The following BRINP3 variants were observed in gnomAD, a reference collection of about 807,000 sequenced individuals.
BRINP3 encodes BMP/retinoic acid inducible neural specific 3, also known as BMP/retinoic acid-inducible neural-specific protein 3.
A neutral mutation model predicts 71.0 loss-of-function variants in BRINP3; 19 were observed. The ratio of observed to expected loss-of-function variants is 0.27; its 90% CI spans 0.19 to 0.39. The LOEUF (loss-of-function observed/expected upper bound fraction) is 0.39. BRINP3 is among the 10% of genes least tolerant of loss of function. The pLI is 1.00. For synonymous variants in BRINP3, 380 were observed against 337.7 expected, an observed-to-expected ratio of 1.13 and a Z score of -1.37; for missense variants, 959 against 940.8, an observed-to-expected ratio of 1.02 and a Z score of -0.25.
chr1:190,106,456 G>A (rs1253915279), intron 7 of BRINP3, among the ~76,000 whole-genome samples: 3 of 151,274 alleles, frequency 2.0e-5, no homozygotes, highest in Admixed American at 6.6e-5. Flanking sequence ...AAATTTTAAG[G>A]ATTTTAAAAG....
At chr1:190,378,362 T>C (rs1670312157) in intron 2 of BRINP3, among the ~76,000 whole-genome samples, 1 of 152,216 alleles carries the variant, frequency 6.6e-6, no homozygotes, top group South Asian at 2.1e-4. Flanking sequence ...AGACTTCATT[T>C]TGGAGCTACA....
Position 190,277,612 on chromosome 1 carries a change from C to T in BRINP3, c.427+3948G>A, listed in dbSNP as rs1312623699. Among the ~76,000 whole-genome samples, 4 of 151,496 alleles carry T rather than the reference C, an allele frequency of 2.6e-5. No homozygotes were observed. The East Asian group carries it at 5.8e-4, about 22-fold the overall frequency. On this transcript the variant is annotated intron_variant, in intron 3 of 7. Transcript: ENST00000367462. Reference sequence around the variant, plus strand: ...CTCTCTTTCTCCCCCTAATTAAAGCCCACCAATTTTAAAGTCATTATTTTT... The same window carrying T: ...CTCTCTTTCTCCCCCTAATTAAAGCTCACCAATTTTAAAGTCATTATTTTT...
intron 2 of BRINP3, among the ~76,000 whole-genome samples, chr1:190,357,833 C>G (rs924900851): frequency 2.6e-5 from 4 of 151,914 alleles, no homozygotes; most frequent in African/African-American, 9.7e-5. Context: ...TGGAATAGAA[C>G]AGAGCCCTCA....
At chr1:190,145,199 T>G (rs1655783379) in intron 7 of BRINP3, among the ~76,000 whole-genome samples, 1 of 152,210 alleles carries the variant, frequency 6.6e-6, no homozygotes, top group Admixed American at 6.5e-5. Flanking sequence ...GGCTGATGTA[T>G]GTCCTGTGTC....
At chr1:190,328,588 A>G (rs1054181612) in intron 2 of BRINP3, among the ~76,000 whole-genome samples, 3 of 152,068 alleles carry the variant, frequency 2.0e-5, no homozygotes, top group Non-Finnish European at 4.4e-5. Context: ...GCTGAATCAT[A>G]CCAGATATAC....
intron 6 of BRINP3, among the ~76,000 whole-genome samples, chr1:190,206,497 T>A (rs1442068755): frequency 6.6e-6 from 1 of 151,914 alleles, no homozygotes; most frequent in Admixed American, 6.6e-5. Flanking sequence ...AACGTGTATG[T>A]GTATGATAAA....
chr1:190,414,424 T>A (rs1484778414), intron 2 of BRINP3, among the ~76,000 whole-genome samples: 3 of 152,138 alleles, frequency 2.0e-5, no homozygotes, highest in Non-Finnish European at 4.4e-5. Flanking sequence ...ATGTTATAGG[T>A]TTATTTTTGT....
At position 190,276,801 on chromosome 1, in the gene BRINP3, T is replaced by C. The variant is rs556324869; in HGVS notation, c.427+4759A>G. Among the ~76,000 whole-genome samples, 5 of 151,142 alleles carry C rather than the reference T, an allele frequency of 3.3e-5. No individual in the cohort carries two copies. The East Asian group carries it at 7.8e-4, about 24-fold the overall frequency. On this transcript the variant is annotated intron_variant, in intron 3 of 7. Transcript: ENST00000367462. Reference sequence around the variant, plus strand: ...GAATTTTTTTTGTATTGAAACAAAATTAAATATCTAAAAAATGCTTAAGTT... The same window carrying C: ...GAATTTTTTTTGTATTGAAACAAAACTAAATATCTAAAAAATGCTTAAGTT...
chr1:190,384,651 C>T (rs1421598059), intron 2 of BRINP3, among the ~76,000 whole-genome samples: 1 of 151,926 alleles, frequency 6.6e-6, no homozygotes, highest in Non-Finnish European at 1.5e-5. Flanking sequence ...ATTTGTACCT[C>T]AACTCTGTGA....
intron 2 of BRINP3, among the ~76,000 whole-genome samples, chr1:190,435,264 G>C (rs902959667): frequency 2.0e-5 from 3 of 152,064 alleles, no homozygotes; most frequent in African/African-American, 7.2e-5. Flanking sequence ...CTACCAGCCA[G>C]AATGTGTGGA....
chr1:190,413,315 A>C (rs1221910816), intron 2 of BRINP3, among the ~76,000 whole-genome samples: 1 of 152,210 alleles, frequency 6.6e-6, no homozygotes, highest in African/African-American at 2.4e-5. Flanking sequence ...CATGTGCAAA[A>C]TATCATACAA....
chr1:190,341,584 C>A (rs887595666), intron 2 of BRINP3, among the ~76,000 whole-genome samples: 2 of 151,748 alleles, frequency 1.3e-5, no homozygotes, highest in Non-Finnish European at 1.5e-5. Flanking sequence ...GTAAAGACCA[C>A]ACATATATTT....
intron 4 of BRINP3, among the ~76,000 whole-genome samples, chr1:190,244,834 T>G (rs950298134): frequency 6.6e-6 from 1 of 152,082 alleles, no homozygotes; most frequent in Non-Finnish European, 1.5e-5. Context: ...TGCCCACTAT[T>G]TTATTTCGAG....
intron 2 of BRINP3, among the ~76,000 whole-genome samples, chr1:190,305,261 GAATGA>G (rs1204761458): frequency 6.6e-6 from 1 of 151,790 alleles, no homozygotes; most frequent in Non-Finnish European, 1.5e-5. Flanking sequence ...GTAACTATCT[GAATGA>G]AATGAAATCA....
chr1:190,138,291 C>A (rs1655143333), intron 7 of BRINP3, among the ~76,000 whole-genome samples: 1 of 151,974 alleles, frequency 6.6e-6, no homozygotes, highest in Admixed American at 6.6e-5. Flanking sequence ...TCCCCAGCAA[C>A]CCAACAAATT....
At chr1:190,374,439 T>C (rs966249038) in intron 2 of BRINP3, among the ~76,000 whole-genome samples, 1 of 152,264 alleles carries the variant, frequency 6.6e-6, no homozygotes, top group Non-Finnish European at 1.5e-5. Context: ...GTACTAGATG[T>C]TTTTACCAAT....
intron 7 of BRINP3, among the ~76,000 whole-genome samples, chr1:190,148,001 C>T (rs1366841727): frequency 6.6e-6 from 1 of 151,988 alleles, no homozygotes; most frequent in Admixed American, 6.6e-5. Context: ...TCCTTTGTGC[C>T]CATACACACA....
intron 4 of BRINP3, among the ~76,000 whole-genome samples, chr1:190,261,901 A>C (rs1661216211): frequency 6.6e-6 from 1 of 152,158 alleles, no homozygotes; most frequent in Admixed American, 6.5e-5. Flanking sequence ...TTGTTTATTC[A>C]ACTAGAAAAT....
chr1:190,436,856 T>C (rs143079550), intron 2 of BRINP3, among the ~76,000 whole-genome samples: 169 of 151,954 alleles, frequency 1.1e-3, no homozygotes, highest in African/African-American at 3.9e-3. Context: ...ATTGAGCATA[T>C]GTTATGCACA....
Sources: allele counts gnomAD v4.1 joint callset (sites outside exome capture counted in the v4.1 genomes callset), GRCh38; gene constraint gnomAD v4.1.1; transcripts MANE v1.5; gene names NCBI Gene and HGNC (gene_info 2026-07-23, HGNC 2026-07-21).